SOWAHA: variants seen among roughly 807,000 people sequenced by gnomAD.
SOWAHA encodes the protein sosondowah ankyrin repeat domain family member A, also known as ankyrin repeat domain-containing protein SOWAHA.
SOWAHA carries 17 observed loss-of-function variants against 21.1 expected under a neutral mutation model. The observed-to-expected ratio is 0.80, with a 90% CI of 0.55 to 1.21. SOWAHA has a LOEUF of 1.21. SOWAHA is among the 50% of genes most tolerant of loss of function. SOWAHA has a pLI of 0.00. For synonymous variants in SOWAHA, 422 were observed against 397.1 expected (o/e 1.06, Z -0.75); for missense variants, 862 against 816.0 (o/e 1.06, Z -0.69).
At position 132,815,229 on chromosome 5, in the gene SOWAHA, G is replaced by T. The variant is rs768472337; in HGVS notation, c.1608G>T (p.Gly536=). ...AAATCTCTCGTCGACCTACTCCGGG[G>T]CCTTTAGCTGGTCTAGTGCCCAGTT... is the stretch of plus-strand genomic sequence containing the variant. ...FSEISRRPTP[G]PLAGLVPSLP... is the part of the protein sequence containing the mutation. Residue 536 remains glycine, a synonymous_variant, in exon 1 of 1, where the codon GGG becomes GGT. Coordinates refer to ENST00000378693, the MANE Select transcript of SOWAHA (RefSeq NM_175873.6). 1.2e-6 allele frequency: 2 copies of T among 1,613,392 alleles called. No homozygotes were observed. Among genetic ancestry groups the T allele is most frequent in the Non-Finnish European group, 1.7e-6 (2 of 1,179,900 alleles).
rs1758367650 is a variant in SOWAHA at position 132,815,010 on chromosome 5, C to T, written c.1389C>T (p.Arg463=). The T allele has an allele frequency of 1.9e-6, 3 of 1,600,842 alleles. No individual in the cohort carries two copies. Among genetic ancestry groups the T allele is most frequent in the Admixed American group, 1.7e-5 (1 of 58,204 alleles). The change falls in exon 1 of 1, where the codon CGC becomes CGT. Residue 463 remains arginine (R), a synonymous_variant. Coordinates refer to ENST00000378693, the MANE Select transcript of SOWAHA (RefSeq NM_175873.6). ...GAAGTGGCAGTCTTGCTGCCAGGCG[C>T]CCCGTACAGGTGGCCGCCACCATCC... is the stretch of plus-strand genomic sequence containing the variant. ...GGGSGSLAAR[R]PVQVAATILS... is the part of the protein sequence containing the mutation.
At position 132,814,939 on chromosome 5, in the gene SOWAHA, G is replaced by T. The variant is rs746186847; in HGVS notation, c.1318G>T (p.Asp440Tyr). 6.4e-7 allele frequency: 1 copy of T among 1,566,074 alleles called. No homozygotes were observed. Among genetic ancestry groups the T allele is most frequent in the Admixed American group, 1.9e-5 (1 of 53,198 alleles). Residue 440 changes from aspartate to tyrosine, a missense_variant, in exon 1 of 1, where the codon GAT becomes TAT. Asp to Tyr is a radical substitution (Grantham distance 160). Coordinates refer to ENST00000378693, the MANE Select transcript of SOWAHA (RefSeq NM_175873.6). ...SSYALRRLLG[D>Y]PGLRGTTEPD... ...GTACGCGCTGCGCCGCCTTCTTGGC[G>T]ATCCAGGCCTGCGAGGCACCACGGA...
At position 132,814,345 on chromosome 5, in the gene SOWAHA, C is replaced by T. The variant is rs1758350559; in HGVS notation, c.724C>T (p.Gln242Ter). The T allele has an allele frequency of 1.3e-6, 2 of 1,484,692 alleles. No homozygotes were observed. The highest frequency in any genetic ancestry group is 1.8e-6 in the Non-Finnish European group (2 of 1,126,960). 92.0% of individuals were successfully genotyped at this position (1,484,692 alleles called of 1,614,324 possible). A position where few individuals can be genotyped will look rare whatever the true frequency, so the allele number is the denominator to read the frequency against. The change falls in exon 1 of 1, where the codon CAG (glutamine) becomes TAG (stop). Residue 242 changes from glutamine to a stop codon, truncating the protein, a stop_gained. Coordinates refer to ENST00000378693, the MANE Select transcript of SOWAHA (RefSeq NM_175873.6). LOFTEE classifies it high-confidence loss of function. ...GGCGGAGGAGCCCGGCCTGCGCCGGCAGCTGTCGGAGGAGCCGAGCCCGCG... is the reference window on the plus strand; with the variant it reads ...GGCGGAGGAGCCCGGCCTGCGCCGGTAGCTGTCGGAGGAGCCGAGCCCGCG... ...LRAEEPGLRR[Q>*]LSEEPSPRSS...
rs1466222260 is a variant in SOWAHA, at chr5:132,815,013, C to T, written c.1392C>T (p.Pro464=). 6.2e-7 allele frequency: 1 copy of T among 1,601,450 alleles called. No homozygotes were observed. Among genetic ancestry groups the T allele is most frequent in the Non-Finnish European group, 8.5e-7 (1 of 1,174,350 alleles). Residue 464 remains proline, a synonymous_variant, in exon 1 of 1, where the codon CCC becomes CCT. Transcript: ENST00000378693. ...GTGGCAGTCTTGCTGCCAGGCGCCC[C>T]GTACAGGTGGCCGCCACCATCCTCA... ...GGSGSLAARR[P]VQVAATILSS...
In SOWAHA at chr5:132,815,444, G is replaced by A. The variant is rs1438908392; in HGVS notation, c.*173G>A. Reference sequence around the variant, plus strand: ...CACCTCCAGCTTCTTTCTGAAGCATGACCCATCTCCAGAGATGGGATTTGA... The same window carrying A: ...CACCTCCAGCTTCTTTCTGAAGCATAACCCATCTCCAGAGATGGGATTTGA... On this transcript the variant is annotated 3_prime_UTR_variant, in exon 1 of 1. Coordinates refer to ENST00000378693, the MANE Select transcript of SOWAHA (RefSeq NM_175873.6). The A allele has an allele frequency of 2.4e-5, 14 of 585,964 alleles. No individual in the cohort carries two copies. The highest frequency in any genetic ancestry group is 3.7e-5 in the African/African-American group (2 of 53,704). The allele number at this position is 585,964 out of a possible 1,614,324, so 36.3% of individuals were successfully genotyped here. A position where few individuals can be genotyped will look rare whatever the true frequency, so the allele number is the denominator to read the frequency against.
chr5:132,814,230 C>T lies in SOWAHA; in HGVS notation c.609C>T (p.Pro203=), dbSNP rs761051096. The change falls in exon 1 of 1, where the codon CCC becomes CCT. Residue 203 remains proline (P), a synonymous_variant. Transcript: ENST00000378693. ...GCTCTGATCCGCCAGACGCGGAGCC[C>T]GGGCCCGGGGCAGCGAAAGGGCCGC... ...SPCSDPPDAE[P]GPGAAKGPPQ... is the part of the protein sequence containing the mutation. 7.1e-6 allele frequency: 11 copies of T among 1,552,470 alleles called. No individual in the cohort carries two copies. Among genetic ancestry groups the T allele is most frequent in the Non-Finnish European group, 7.8e-6 (9 of 1,157,812 alleles).
In SOWAHA at chr5:132,814,758, C is replaced by T; in HGVS notation, c.1137C>T (p.Asn379=). Reference sequence around the variant, plus strand: ...GCAGTGGCGCACCAGTCGACGTGAACGCACGCTCCCACGGCGGCTACACGC... The same window carrying T: ...GCAGTGGCGCACCAGTCGACGTGAATGCACGCTCCCACGGCGGCTACACGC... ...ARRSGAPVDV[N]ARSHGGYTPL... is the part of the protein sequence containing the mutation. Residue 379 remains asparagine (N), a synonymous_variant, in exon 1 of 1, where the codon AAC becomes AAT. Transcript: ENST00000378693. 6 of 1,530,946 alleles carry T rather than the reference C, an allele frequency of 3.9e-6. No homozygotes were observed. Among genetic ancestry groups the T allele is most frequent in the Non-Finnish European group, 5.2e-6 (6 of 1,143,870 alleles). The allele number at this position is 1,530,946 out of a possible 1,614,324, so 94.8% of individuals were successfully genotyped here.
chr5:132,813,970 C>T lies in SOWAHA; in HGVS notation c.349C>T (p.Pro117Ser). The change falls in exon 1 of 1, where the codon CCG becomes TCG. Residue 117 changes from proline to serine, a missense_variant. Transcript: ENST00000378693. ...GGTCTTGCCGCGGAGCGCCTCTGCC[C>T]CGGGAGCTCCGCCCTTGGTCCGGGT... ...STVLPRSASA[P>S]GAPPLVRVPR... 1.9e-6 allele frequency: 3 copies of T among 1,544,010 alleles called. No homozygotes were observed. Among genetic ancestry groups the T allele is most frequent in the Non-Finnish European group, 2.6e-6 (3 of 1,145,074 alleles).
In SOWAHA at chr5:132,814,384, C is replaced by T. The variant is rs1758351401; in HGVS notation, c.763C>T (p.Leu255=). 4 of 1,494,046 alleles carry T rather than the reference C, an allele frequency of 2.7e-6. No homozygotes were observed. Among genetic ancestry groups the T allele is most frequent in the East Asian group, 2.8e-5 (1 of 35,496 alleles). The allele number at this position is 1,494,046 out of a possible 1,614,324, so 92.5% of individuals were successfully genotyped here. A position where few individuals can be genotyped will look rare whatever the true frequency, so the allele number is the denominator to read the frequency against. The change falls in exon 1 of 1, where the codon CTG becomes TTG. Residue 255 remains leucine, a synonymous_variant. Transcript: ENST00000378693. ...EEPSPRSSPL[L]LRRLSVEESG... Reference sequence around the variant, plus strand: ...GCCGAGCCCGCGGAGCTCCCCTCTGCTGCTGAGGCGGCTCTCGGTGGAAGA... The same window carrying T: ...GCCGAGCCCGCGGAGCTCCCCTCTGTTGCTGAGGCGGCTCTCGGTGGAAGA...
rs757676949 is a variant in SOWAHA at position 132,814,927 on chromosome 5, C to G, written c.1306C>G (p.Arg436Gly). ...LRPGSSYALR[R>G]LLGDPGLRGT... ...GCCCGGCTCCTCGTACGCGCTGCGC[C>G]GCCTTCTTGGCGATCCAGGCCTGCG... Residue 436 changes from arginine to glycine, a missense_variant, in exon 1 of 1, where the codon CGC becomes GGC. By Grantham distance (125) the Arg-to-Gly change is moderately radical. Transcript: ENST00000378693. 2 of 1,557,276 alleles carry G rather than the reference C, an allele frequency of 1.3e-6. No homozygotes were observed. Among genetic ancestry groups the G allele is most frequent in the East Asian group, 4.8e-5 (2 of 41,538 alleles).
Position 132,813,538 on chromosome 5 carries a change from G to A in SOWAHA, c.-84G>A. On this transcript the variant is annotated 5_prime_UTR_variant, in exon 1 of 1. Transcript: ENST00000378693. ...GGGAAGGCACCAGGTGAGCGCGGCC[G>A]CGCCTCCCGGAACCCCGCTCCCGCG... 3 of 963,306 alleles carry A rather than the reference G, an allele frequency of 3.1e-6. 1 individual carries two copies. Among genetic ancestry groups the A allele is most frequent in the Non-Finnish European group, 3.8e-6 (3 of 781,120 alleles). The allele number at this position is 963,306 out of a possible 1,614,324, so 59.7% of individuals were successfully genotyped here.
rs368733170 is a variant in SOWAHA, at chr5:132,814,053, C to T, written c.432C>T (p.Thr144=). The change falls in exon 1 of 1, where the codon ACC becomes ACT. Residue 144 remains threonine (T), a synonymous_variant. Transcript: ENST00000378693. ...DLGLPTEPQD[T]PGGPASEPAQ... ...GTCTGCCAACAGAGCCACAGGACAC[C>T]CCGGGGGGGCCGGCCTCCGAGCCCG... 4 of 1,562,492 alleles carry T rather than the reference C, an allele frequency of 2.6e-6. No individual in the cohort carries two copies. The highest frequency in any genetic ancestry group is 3.5e-6 in the Non-Finnish European group (4 of 1,159,358).
chr5:132,815,342 GCAGCC>G lies in SOWAHA; in HGVS notation c.*74_*78del, dbSNP rs1758374757. Reference sequence around the variant, plus strand: ...TCGCAGTCCAAACCCGCCCAAGACTGCAGCCCAATCAACGCCTGGAGCCTCATTCT... The same window carrying G: ...TCGCAGTCCAAACCCGCCCAAGACTGCAATCAACGCCTGGAGCCTCATTCT... On this transcript the variant is annotated 3_prime_UTR_variant, in exon 1 of 1. Coordinates refer to ENST00000378693, the MANE Select transcript of SOWAHA (RefSeq NM_175873.6). 7.4e-7 allele frequency: 1 copy of G among 1,359,720 alleles called. No individual in the cohort carries two copies. Among genetic ancestry groups the G allele is most frequent in the East Asian group, 2.4e-5 (1 of 41,570 alleles). The allele number at this position is 1,359,720 out of a possible 1,614,324, so 84.2% of individuals were successfully genotyped here.
Position 132,813,909 on chromosome 5 carries a change from G to T in SOWAHA, c.288G>T (p.Pro96=). 6.5e-7 allele frequency: 1 copy of T among 1,546,832 alleles called. No homozygotes were observed. Among genetic ancestry groups the T allele is most frequent in the Non-Finnish European group, 8.7e-7 (1 of 1,145,542 alleles). Residue 96 remains proline, a synonymous_variant, in exon 1 of 1, where the codon CCG becomes CCT. Coordinates refer to ENST00000378693, the MANE Select transcript of SOWAHA (RefSeq NM_175873.6). ...PEPEPAPFGP[P]GAAAQPSKPT... ...CCGAGCCCGCACCCTTCGGCCCCCC[G>T]GGGGCAGCGGCCCAGCCGTCGAAAC...
In SOWAHA at chr5:132,813,993, G is replaced by A. The variant is rs1047513229; in HGVS notation, c.372G>A (p.Arg124=). 7 of 1,542,680 alleles carry A rather than the reference G, an allele frequency of 4.5e-6. No individual in the cohort carries two copies. Among genetic ancestry groups the A allele is most frequent in the Admixed American group, 3.9e-5 (2 of 51,088 alleles). ...ASAPGAPPLV[R]VPRPVEPPGD... ...CCCCGGGAGCTCCGCCCTTGGTCCG[G>A]GTGCCGCGGCCAGTGGAGCCGCCAG... Residue 124 remains arginine, a synonymous_variant, in exon 1 of 1, where the codon CGG becomes CGA. Transcript: ENST00000378693.
chr5:132,814,061 G>T lies in SOWAHA; in HGVS notation c.440G>T (p.Gly147Val). 1 of 1,568,468 alleles carries T rather than the reference G, an allele frequency of 6.4e-7. No homozygotes were observed. The highest frequency in any genetic ancestry group is 8.6e-7 in the Non-Finnish European group (1 of 1,162,724). Reference sequence around the variant, plus strand: ...ACAGAGCCACAGGACACCCCGGGGGGGCCGGCCTCCGAGCCCGCTCAGCCG... The same window carrying T: ...ACAGAGCCACAGGACACCCCGGGGGTGCCGGCCTCCGAGCCCGCTCAGCCG... The part of the protein sequence containing the change: ...LPTEPQDTPG[G>V]PASEPAQPPG... Residue 147 changes from glycine to valine, a missense_variant, in exon 1 of 1, where the codon GGG becomes GTG. Gly to Val is a moderately radical substitution (Grantham distance 109). Coordinates refer to ENST00000378693, the MANE Select transcript of SOWAHA (RefSeq NM_175873.6).
At position 132,814,945 on chromosome 5, in the gene SOWAHA, G is replaced by A; in HGVS notation, c.1324G>A (p.Gly442Ser). Reference protein sequence around the residue: ...YALRRLLGDPGLRGTTEPDAT... With the variant: ...YALRRLLGDPSLRGTTEPDAT... ...GCTGCGCCGCCTTCTTGGCGATCCA[G>A]GCCTGCGAGGCACCACGGAGCCAGA... is the stretch of plus-strand genomic sequence containing the variant. The change falls in exon 1 of 1, where the codon GGC becomes AGC. Residue 442 changes from glycine (G) to serine (S), a missense_variant. Physicochemically the swap from Gly to Ser is moderately conservative, Grantham distance 56. Transcript: ENST00000378693. 4 of 1,570,564 alleles carry A rather than the reference G, an allele frequency of 2.5e-6. No individual in the cohort carries two copies. Among genetic ancestry groups the A allele is most frequent in the South Asian group, 1.2e-5 (1 of 86,076 alleles).
At position 132,813,994 on chromosome 5, in the gene SOWAHA, G is replaced by A. The variant is rs757350864; in HGVS notation, c.373G>A (p.Val125Met). 1 of 1,542,852 alleles carries A rather than the reference G, an allele frequency of 6.5e-7. No individual in the cohort carries two copies. The highest frequency in any genetic ancestry group is 2.0e-5 in the Admixed American group (1 of 51,094). The change falls in exon 1 of 1, where the codon GTG becomes ATG. Residue 125 changes from valine (V) to methionine (M), a missense_variant. Val to Met is a conservative substitution (Grantham distance 21, BLOSUM62 1). Coordinates refer to ENST00000378693, the MANE Select transcript of SOWAHA (RefSeq NM_175873.6). ...SAPGAPPLVR[V>M]PRPVEPPGDL... ...CCCGGGAGCTCCGCCCTTGGTCCGG[G>A]TGCCGCGGCCAGTGGAGCCGCCAGG...
Position 132,813,787 on chromosome 5 carries a change from G to A in SOWAHA, c.166G>A (p.Asp56Asn). Residue 56 changes from aspartate to asparagine, a missense_variant, in exon 1 of 1, where the codon GAC becomes AAC. Coordinates refer to ENST00000378693, the MANE Select transcript of SOWAHA (RefSeq NM_175873.6). ...CCCGCGGGGCCGCGCCGCCCGCAGG[G>A]ACCGCTTCAAGCAGTTCGTCAACAA... ...GDPRGRAARR[D>N]RFKQFVNNVA... is the part of the protein sequence containing the mutation. The A allele has an allele frequency of 3.2e-6, 5 of 1,548,624 alleles. No individual in the cohort carries two copies. Among genetic ancestry groups the A allele is most frequent in the African/African-American group, 2.7e-5 (2 of 72,822 alleles).
Sources: gnomAD v4.1 joint callset for allele counts on GRCh38, gnomAD v4.1.1 for gene constraint, MANE v1.5 for transcripts, NCBI Gene and HGNC (gene_info 2026-07-23, HGNC 2026-07-21) for gene names.